Variants in OR9Q1 observed in about 807,000 individuals in gnomAD.
OR9Q1 encodes olfactory receptor 9Q1.
For synonymous variants in OR9Q1, 153 were observed against 148.6 expected (o/e 1.03, Z -0.22); for missense variants, 374 against 378.8 (o/e 0.99, Z 0.11).
chr11:58,055,816 C>T (rs1161871574), intron 1 of OR9Q1, 54 bp from the exon 2 acceptor site: 1 of 62,382 alleles, frequency 1.6e-5, no homozygotes, highest in Non-Finnish European at 3.9e-5. Flanking sequence ...AAAAAAAATG[C>T]TGGAGGCAAC....
intron 2 of OR9Q1, among the ~76,000 whole-genome samples, chr11:58,107,610 C>A (rs1853854492): frequency 6.6e-6 from 1 of 152,108 alleles, no homozygotes; most frequent in South Asian, 2.1e-4. Context: ...GATTTGTAAT[C>A]CTTTGGGTAT....
intron 2 of OR9Q1, chr11:58,144,940 G>A (rs1854286442): frequency 6.5e-6 from 1 of 152,760 alleles, no homozygotes; most frequent in East Asian, 1.9e-4. Flanking sequence ...TGGTGCCATA[G>A]TCAATTCTGT....
chr11:58,118,995 G>C, intron 2 of OR9Q1: 1 of 1,613,902 alleles, frequency 6.2e-7, no homozygotes, highest in Admixed American at 1.7e-5. Context: ...ACACCCCACA[G>C]ACATAGGCTC....
intron 2 of OR9Q1, chr11:58,117,181 G>A (rs1023318656): frequency 2.0e-5 from 3 of 152,180 alleles, no homozygotes; most frequent in Non-Finnish European, 2.9e-5. Flanking sequence ...CATCTGATTA[G>A]TGCTTGGCTA....
In OR9Q1 at chr11:58,135,347, C is replaced by T. The variant is rs1449369788; in HGVS notation, c.-14-44084C>T. ...CAACAGAGGCTCTATTTTCATCTCT[C>T]GCTTGAACTACTTATCTACCTGAAC... On this transcript the variant is annotated intron_variant, in intron 2 of 2. Transcript: ENST00000335397. Among the ~76,000 whole-genome samples, 3 of 152,126 alleles carry T rather than the reference C, an allele frequency of 2.0e-5. No homozygotes were observed. The East Asian group carries it at 5.8e-4, about 29-fold the overall frequency.
chr11:58,172,316 CAG>C (rs1238233562), intron 2 of OR9Q1, among the ~76,000 whole-genome samples: 1 of 152,076 alleles, frequency 6.6e-6, no homozygotes, highest in African/African-American at 2.4e-5. Flanking sequence ...AAAATCTAGA[CAG>C]AAAGTTTTAT....
At chr11:58,143,061 C>G (rs1293950691) in intron 2 of OR9Q1, among the ~76,000 whole-genome samples, 1 of 152,144 alleles carries the variant, frequency 6.6e-6, no homozygotes, top group Non-Finnish European at 1.5e-5. Context: ...ATATGCACAT[C>G]AGAAACAACC....
intron 2 of OR9Q1, among the ~76,000 whole-genome samples, chr11:58,175,864 C>T (rs1324890215): frequency 1.3e-5 from 2 of 151,778 alleles, no homozygotes; most frequent in African/African-American, 4.8e-5. Context: ...AACAAAATGC[C>T]TATGAATTTG....
At chr11:58,084,453 C>T (rs1853616624) in intron 2 of OR9Q1, among the ~76,000 whole-genome samples, 2 of 151,770 alleles carry the variant, frequency 1.3e-5, no homozygotes, top group South Asian at 4.1e-4. Context: ...AAGCTGGCAT[C>T]AGCCTAATAT....
chr11:58,055,008 A>G (rs1853313727), intron 1 of OR9Q1, among the ~76,000 whole-genome samples: 1 of 152,214 alleles, frequency 6.6e-6, no homozygotes, highest in East Asian at 1.9e-4. Context: ...ATGAAAATTC[A>G]TAAGAACTAG....
In OR9Q1 at chr11:58,118,536, C is replaced by A. The variant is rs757448772; in HGVS notation, c.-14-60895C>A. 8.7e-6 allele frequency: 14 copies of A among 1,611,876 alleles called. 1 individual carries two copies. Among genetic ancestry groups the A allele is most frequent in the Non-Finnish European group, 1.1e-5 (13 of 1,179,324 alleles). ...GGGACACCTGGAGTCTCCTAGCGACCTTTCTGAAGGCGTCTTTTACATCTT... is the reference window on the plus strand; with the variant it reads ...GGGACACCTGGAGTCTCCTAGCGACATTTCTGAAGGCGTCTTTTACATCTT... On this transcript the variant is annotated intron_variant, in intron 2 of 2. Coordinates refer to ENST00000335397, the MANE Select transcript of OR9Q1 (RefSeq NM_001005212.4).
chr11:58,065,951 C>T (rs1226395348), intron 2 of OR9Q1, among the ~76,000 whole-genome samples: 1 of 152,152 alleles, frequency 6.6e-6, no homozygotes, highest in Non-Finnish European at 1.5e-5. Context: ...CACCAACTTA[C>T]TTCTCACCCA....
At chr11:58,116,574 G>A (rs781378044) in intron 2 of OR9Q1, among the ~76,000 whole-genome samples, 2 of 152,080 alleles carry the variant, frequency 1.3e-5, no homozygotes, top group African/African-American at 2.4e-5. Flanking sequence ...AAATTCTTAC[G>A]AGAATGATGC....
At chr11:58,104,611 C>T (rs1338540476) in intron 2 of OR9Q1, among the ~76,000 whole-genome samples, 1 of 152,028 alleles carries the variant, frequency 6.6e-6, no homozygotes, top group Admixed American at 6.6e-5. Flanking sequence ...TAATTGTAAC[C>T]GCAGATAATC....
At chr11:58,122,259 C>T (rs61902767) in intron 2 of OR9Q1, among the ~76,000 whole-genome samples, 3 of 152,004 alleles carry the variant, frequency 2.0e-5, no homozygotes, top group African/African-American at 4.8e-5. Context: ...TGACAGATCA[C>T]GTCAAACATG....
At chr11:58,077,218 G>A (rs1021256031) in intron 2 of OR9Q1, 2 of 152,196 alleles carry the variant, frequency 1.3e-5, no homozygotes, top group Non-Finnish European at 1.5e-5. Context: ...TGGAGGAGCA[G>A]GATGTTCACA....
chr11:58,066,651 C>T (rs1344706793), intron 2 of OR9Q1, among the ~76,000 whole-genome samples: 1 of 152,090 alleles, frequency 6.6e-6, no homozygotes, highest in East Asian at 1.9e-4. Flanking sequence ...ACTTTCAGGC[C>T]GAAGTTGACT....
At chr11:58,061,880 A>G (rs943414115) in intron 2 of OR9Q1, among the ~76,000 whole-genome samples, 1 of 152,234 alleles carries the variant, frequency 6.6e-6, no homozygotes, top group Non-Finnish European at 1.5e-5. Flanking sequence ...GTTCACACCC[A>G]TTCAACAGAT....
chr11:58,162,205 C>A (rs377552348), intron 2 of OR9Q1, among the ~76,000 whole-genome samples: 1 of 152,172 alleles, frequency 6.6e-6, no homozygotes, highest in Non-Finnish European at 1.5e-5. Flanking sequence ...TCATTCATTA[C>A]GAGTAACAAG....
Sources: gnomAD v4.1 joint callset for allele counts (sites outside exome capture counted in the v4.1 genomes callset) on GRCh38, gnomAD v4.1.1 for gene constraint, MANE v1.5 for transcripts, NCBI Gene and HGNC (gene_info 2026-07-23, HGNC 2026-07-21) for gene names.